CFAP251: variants seen among roughly 807,000 people sequenced by gnomAD.
CFAP251 encodes cilia and flagella associated protein 251.
Under a neutral mutation model 126.7 loss-of-function variants are expected in CFAP251, and 93 were observed. That is an observed-to-expected ratio of 0.73 (90% CI 0.62 to 0.87). The LOEUF (loss-of-function observed/expected upper bound fraction) is 0.87, where lower values mean the gene tolerates loss of function less well. Among genes scored for constraint, CFAP251 ranks in the 40% least tolerant of loss-of-function variants. CFAP251 has a pLI of 0.00. For synonymous variants in CFAP251, 503 were observed against 506.9 expected (o/e 0.99, Z 0.10); for missense variants, 1,287 against 1,389.2 (o/e 0.93, Z 1.17).
chr12:121,961,281 CCCTT>C (rs1394338808), intron 14 of CFAP251, among the ~76,000 whole-genome samples: 8 of 140,638 alleles, frequency 5.7e-5, no homozygotes, highest in African/African-American at 1.1e-4. Flanking sequence ...CTCCCTCCCT[CCCTT>C]CCTTCCTTCC....
At chr12:121,923,487 C>A in intron 2 of CFAP251, 135 bp from the exon 3 acceptor site, 3 of 1,201,164 alleles carry the variant, frequency 2.5e-6, no homozygotes, top group South Asian at 1.6e-5. Flanking sequence ...ACAAAATGTT[C>A]CAGCCTCTTT....
chr12:121,940,547 A>C (rs975636386), intron 5 of CFAP251, among the ~76,000 whole-genome samples: 9 of 152,088 alleles, frequency 5.9e-5, no homozygotes, highest in African/African-American at 2.2e-4. Flanking sequence ...CAAACAAACA[A>C]ACAAAAAAGA....
chr12:121,958,971 G>A lies in CFAP251; in HGVS notation c.2010G>A (p.Glu670=), dbSNP rs953488534. The change falls in exon 13 of 22, where the codon GAG becomes GAA. Residue 670 remains glutamate (E), a synonymous_variant. Transcript: ENST00000288912. The stretch of plus-strand genomic sequence containing the variant: ...CCCTTCTTGGAGCTGGCTTTACAGA[G>A]GGGACAGTTTACATTCTTGATGCAA... The part of the protein sequence containing the change: ...EGALLGAGFT[E]GTVYILDAMS... The A allele has an allele frequency of 6.2e-6, 10 of 1,601,156 alleles. No individual in the cohort carries two copies. Among genetic ancestry groups the A allele is most frequent in the Non-Finnish European group, 8.5e-6 (10 of 1,176,540 alleles).
chr12:121,987,592 G>A (rs1882780499), intron 19 of CFAP251, among the ~76,000 whole-genome samples: 1 of 151,926 alleles, frequency 6.6e-6, no homozygotes, highest in Non-Finnish European at 1.5e-5. Flanking sequence ...GCGCACACCT[G>A]TAATCCCAGC....
Position 121,975,777 on chromosome 12 carries a change from G to C in CFAP251, c.3006+92G>C, listed in dbSNP as rs1023250726. 3 of 1,398,768 alleles carry C rather than the reference G, an allele frequency of 2.1e-6. No homozygotes were observed. In the African/African-American group the frequency reaches 4.4e-5, roughly 20 times the overall value. 86.6% of individuals were successfully genotyped at this position (1,398,768 alleles called of 1,614,324 possible). On this transcript the variant is annotated intron_variant, in intron 19 of 21. Transcript: ENST00000288912. Reference sequence around the variant, plus strand: ...ATCATTATAGGTCAAAGCAAAAATTGCACATTTTTCTTGCATAAATGGATC... The same window carrying C: ...ATCATTATAGGTCAAAGCAAAAATTCCACATTTTTCTTGCATAAATGGATC...
intron 17 of CFAP251, chr12:121,969,893 A>G (rs1592994835): frequency 6.1e-6 from 6 of 985,444 alleles, no homozygotes; most frequent in Non-Finnish European, 7.2e-6. Context: ...GCCTGGCCAG[A>G]GTCCAGGCTT....
intron 9 of CFAP251, among the ~76,000 whole-genome samples, chr12:121,952,231 C>G (rs567272146): frequency 2.7e-5 from 3 of 111,266 alleles, no homozygotes; most frequent in African/African-American, 7.9e-5. Context: ...GGCTAGACTT[C>G]GTTTCTACTA....
At position 121,921,278 on chromosome 12, in the gene CFAP251, C is replaced by A; in HGVS notation, c.-20-8C>A. 6.5e-7 allele frequency: 1 copy of A among 1,537,248 alleles called. No homozygotes were observed. The highest frequency in any genetic ancestry group is 2.3e-5 in the East Asian group (1 of 44,340). ...GCCAGCTGGTTATTATGGTCAAAAT[C>A]TCTCTAGAGGAAACTCTACAGAGAA... On this transcript the variant is annotated splice_polypyrimidine_tract_variant and splice_region_variant and intron_variant, in intron 1 of 21. Coordinates refer to ENST00000288912, the MANE Select transcript of CFAP251 (RefSeq NM_144668.6).
In CFAP251 at chr12:121,921,282, C is replaced by G; in HGVS notation, c.-20-4C>G. The G allele has an allele frequency of 6.5e-7, 1 of 1,549,734 alleles. No homozygotes were observed. The highest frequency in any genetic ancestry group is 8.7e-7 in the Non-Finnish European group (1 of 1,156,050). ...GCTGGTTATTATGGTCAAAATCTCT[C>G]TAGAGGAAACTCTACAGAGAAGAAT... On this transcript the variant is annotated splice_polypyrimidine_tract_variant and splice_region_variant and intron_variant, in intron 1 of 21. Transcript: ENST00000288912.
intron 6 of CFAP251, 45 bp downstream of exon 6, chr12:121,942,690 C>G (rs1881170631): frequency 1.3e-6 from 2 of 1,493,782 alleles, no homozygotes; most frequent in East Asian, 2.3e-5. Context: ...AGCTGGCCGA[C>G]CTGTGCAGCG....
intron 5 of CFAP251, among the ~76,000 whole-genome samples, chr12:121,938,976 G>T (rs1880999899): frequency 6.9e-6 from 1 of 144,170 alleles, no homozygotes; most frequent in African/African-American, 2.5e-5. Context: ...GACAGAGCGA[G>T]AATTCATCTA....
chr12:121,945,407 G>C (rs556722973), intron 7 of CFAP251, among the ~76,000 whole-genome samples: 1 of 149,208 alleles, frequency 6.7e-6, no homozygotes, highest in African/African-American at 2.5e-5. Context: ...GCGGTGGCAC[G>C]ATCTCGGCTC....
intron 2 of CFAP251, 23 bp from the exon 3 acceptor site, chr12:121,923,599 T>C: frequency 6.3e-7 from 1 of 1,583,270 alleles, no homozygotes; most frequent in Non-Finnish European, 8.6e-7. Flanking sequence ...TATGGAATCA[T>C]GATATTTTAT....
chr12:121,986,792 A>G (rs1882759890), intron 19 of CFAP251, among the ~76,000 whole-genome samples: 1 of 151,070 alleles, frequency 6.6e-6, no homozygotes, highest in Admixed American at 6.6e-5. Flanking sequence ...AAAAAAGCCC[A>G]TCTAGGGGTT....
intron 7 of CFAP251, among the ~76,000 whole-genome samples, chr12:121,947,448 G>C (rs964477715): frequency 6.6e-6 from 1 of 151,916 alleles, no homozygotes; most frequent in Non-Finnish European, 1.5e-5. Context: ...TCATTTGGAT[G>C]GGTCTTTTTT....
intron 7 of CFAP251, among the ~76,000 whole-genome samples, chr12:121,945,317 T>C (rs551170921): frequency 1.3e-5 from 2 of 148,520 alleles, no homozygotes; most frequent in Admixed American, 6.8e-5. Context: ...TTTTTTGTTG[T>C]TGTTGTTTTG....
chr12:121,959,984 C>T (rs1352413404), intron 13 of CFAP251, among the ~76,000 whole-genome samples: 1 of 151,658 alleles, frequency 6.6e-6, no homozygotes, highest in African/African-American at 2.4e-5. Flanking sequence ...TGAAAAAAAA[C>T]TAGCCAGGTA....
At position 121,974,571 on chromosome 12, in the gene CFAP251, G is replaced by A. The variant is rs901106043; in HGVS notation, c.2772-673G>A. On this transcript the variant is annotated intron_variant, in intron 17 of 21. Transcript: ENST00000288912. This position sits in a 1 kb window ranked among gnomAD's most constrained non-coding sequence, Gnocchi z 4.6. The stretch of plus-strand genomic sequence containing the variant: ...CCCCACTGTGGTCTACATGAGGTGT[G>A]CTTGATGTCGCAGCAAAAAGGCTAA... Among the ~76,000 whole-genome samples, 3 of 152,126 alleles carry A rather than the reference G, an allele frequency of 2.0e-5. No homozygotes were observed. Among genetic ancestry groups the A allele is most frequent in the Non-Finnish European group, 2.9e-5 (2 of 68,020 alleles).
chr12:121,999,092 A>T (rs964383949), intron 19 of CFAP251: 1 of 151,926 alleles, frequency 6.6e-6, no homozygotes, highest in African/African-American at 2.4e-5. Flanking sequence ...TTACCATGTA[A>T]AGTTGTTAGA....
Sources: gnomAD v4.1 joint callset for allele counts (sites outside exome capture counted in the v4.1 genomes callset) on GRCh38, gnomAD v4.1.1 for gene constraint, Gnocchi (gnomAD v3.1) non-coding constraint, MANE v1.5 for transcripts, NCBI Gene and HGNC (gene_info 2026-07-23, HGNC 2026-07-21) for gene names.